Variants in DNASE1L3 observed in about 807,000 individuals in gnomAD.
DNASE1L3 encodes the protein deoxyribonuclease 1L3.
DNASE1L3 carries 27 observed loss-of-function variants against 30.9 expected under a neutral mutation model. The ratio of observed to expected loss-of-function variants is 0.87; its 90% CI spans 0.64 to 1.20. DNASE1L3 has a LOEUF of 1.20. Among genes scored for constraint, DNASE1L3 ranks in the 50% most tolerant of loss-of-function variants. The pLI, the probability that DNASE1L3 is intolerant of heterozygous loss-of-function variation, is 0.00. For synonymous variants in DNASE1L3, 135 were observed against 138.0 expected (o/e 0.98, Z 0.15); for missense variants, 364 against 378.2 (o/e 0.96, Z 0.31).
chr3:58,199,548 T>C (rs2097399338), intron 5 of DNASE1L3, among the ~76,000 whole-genome samples: 2 of 151,882 alleles, frequency 1.3e-5, no homozygotes, highest in Admixed American at 1.3e-4. Context: ...CACATGCCTG[T>C]AATCCCAGCT....
At chr3:58,209,316 G>A (rs1321897592) in intron 1 of DNASE1L3, among the ~76,000 whole-genome samples, 1 of 152,116 alleles carries the variant, frequency 6.6e-6, no homozygotes, top group African/African-American at 2.4e-5. Context: ...CCCCCATGAT[G>A]GACTCACCAA....
intron 1 of DNASE1L3, among the ~76,000 whole-genome samples, chr3:58,210,250 A>AAGAAAGAAAGAG (rs2097406862): frequency 7.5e-6 from 1 of 133,694 alleles, no homozygotes; most frequent in Non-Finnish European, 1.7e-5. Flanking sequence ...AAGAAAAAGA[A>AAGAAAGAAAGAG]AGAAAGAAAG....
rs186823038 is a variant in DNASE1L3, at chr3:58,193,442, G to A, written c.705-3C>T. On this transcript the variant is annotated splice_polypyrimidine_tract_variant and splice_region_variant and intron_variant, in intron 6 of 7. Coordinates refer to ENST00000394549, the MANE Select transcript of DNASE1L3 (RefSeq NM_004944.4). ...TTTCTTGTCCTCTAAGCACAATCCT[G>A]GAACAAGGGGAGGGAAAACAGTTGT... 598 of 1,608,370 alleles carry A rather than the reference G, an allele frequency of 3.7e-4. No individual in the cohort carries two copies. In the African/African-American group the frequency reaches 5.5e-3, roughly 15 times the overall value.
At chr3:58,194,186 G>A (rs927503881) in intron 6 of DNASE1L3, among the ~76,000 whole-genome samples, 6 of 152,142 alleles carry the variant, frequency 3.9e-5, no homozygotes, top group Admixed American at 3.3e-4. Flanking sequence ...GGTCTACGTG[G>A]TCCTGAGTGA....
chr3:58,209,071 T>G (rs1425735893), intron 1 of DNASE1L3, among the ~76,000 whole-genome samples: 1 of 152,174 alleles, frequency 6.6e-6, no homozygotes, highest in Non-Finnish European at 1.5e-5. Flanking sequence ...GAAACCCGCC[T>G]CTACTAAAAA....
chr3:58,205,440 C>T, intron 3 of DNASE1L3, 31 bp downstream of exon 3: 1 of 1,568,758 alleles, frequency 6.4e-7, no homozygotes. Context: ...TTATTGGTGG[C>T]CATGTTCCAG....
At chr3:58,206,894 A>T (rs1342125065) in intron 2 of DNASE1L3, among the ~76,000 whole-genome samples, 2 of 152,096 alleles carry the variant, frequency 1.3e-5, no homozygotes, top group Non-Finnish European at 2.9e-5. Flanking sequence ...CCCTTACTAT[A>T]AGGGAAGCCC....
At position 58,204,784 on chromosome 3, in the gene DNASE1L3, G is replaced by A; in HGVS notation, c.418C>T (p.Gln140Ter). The A allele has an allele frequency of 6.2e-7, 1 of 1,614,100 alleles. No individual in the cohort carries two copies. The highest frequency in any genetic ancestry group is 8.5e-7 in the Non-Finnish European group (1 of 1,180,002). The change falls in exon 4 of 8, where the codon CAA (glutamine) becomes TAA (stop). Residue 140 changes from glutamine (Q) to a stop codon, truncating the protein, a stop_gained. Transcript: ENST00000394549. LOFTEE classifies it high-confidence loss of function. ...FSREPFVVWF[Q>*]SPHTAVKDFV... ...TGGGTCTTACCAGTGTGGGGAGATT[G>A]GAACCAGACCACAAAGGGCTCCCTG...
Position 58,210,868 on chromosome 3 carries a change from G to A in DNASE1L3, c.39C>T (p.Leu13=), listed in dbSNP as rs753718510. The A allele has an allele frequency of 1.9e-6, 3 of 1,614,124 alleles. No homozygotes were observed. The highest frequency in any genetic ancestry group is 1.7e-6 in the Non-Finnish European group (2 of 1,180,000). Residue 13 remains leucine, a synonymous_variant, in exon 1 of 8, where the codon CTC becomes CTT. Transcript: ENST00000394549. ...TCATGGCCAGGGCGCTGTGGATGGAGAGGAGGAGAAGCAGCAGTGGGGCCA... is the reference window on the plus strand; with the variant it reads ...TCATGGCCAGGGCGCTGTGGATGGAAAGGAGGAGAAGCAGCAGTGGGGCCA... The part of the protein sequence containing the change: ...RELAPLLLLL[L]SIHSALAMRI...
intron 4 of DNASE1L3, among the ~76,000 whole-genome samples, chr3:58,202,434 A>G (rs1417969649): frequency 7.0e-6 from 1 of 142,200 alleles, no homozygotes; most frequent in South Asian, 2.3e-4. Flanking sequence ...AAGTGCTGGG[A>G]TTACAGGTGT....
At chr3:58,204,615 A>G (rs2097402782) in intron 4 of DNASE1L3, among the ~76,000 whole-genome samples, 154 bp downstream of exon 4, 1 of 152,234 alleles carries the variant, frequency 6.6e-6, no homozygotes, top group Non-Finnish European at 1.5e-5. Flanking sequence ...GCCTGGTGCC[A>G]TCACACTGAA....
At position 58,204,761 on chromosome 3, in the gene DNASE1L3, G is replaced by A. The variant is rs751423860; in HGVS notation, c.433+8C>T. ...GGTCCCAGACAGAAAGGCCTGTGTGGGTCTTACCAGTGTGGGGAGATTGGA... is the reference window on the plus strand; with the variant it reads ...GGTCCCAGACAGAAAGGCCTGTGTGAGTCTTACCAGTGTGGGGAGATTGGA... On this transcript the variant is annotated splice_region_variant and intron_variant, in intron 4 of 7. Transcript: ENST00000394549. The A allele has an allele frequency of 6.2e-7, 1 of 1,613,314 alleles. No individual in the cohort carries two copies. The highest frequency in any genetic ancestry group is 8.5e-7 in the Non-Finnish European group (1 of 1,179,336).
chr3:58,204,464 AGTT>A (rs1250903162), intron 4 of DNASE1L3, among the ~76,000 whole-genome samples: 7 of 152,234 alleles, frequency 4.6e-5, no homozygotes, highest in African/African-American at 1.7e-4. Context: ...AGGAAGGAAG[AGTT>A]GTACTTGACA....
intron 5 of DNASE1L3, among the ~76,000 whole-genome samples, chr3:58,199,970 G>A (rs183133224): frequency 1.8e-4 from 27 of 152,274 alleles, no homozygotes; most frequent in Admixed American, 1.2e-3. Context: ...GAGGAAGGGG[G>A]ATCACAGGAG....
intron 2 of DNASE1L3, among the ~76,000 whole-genome samples, chr3:58,207,307 G>A (rs571259635): frequency 4.6e-5 from 7 of 152,022 alleles, no homozygotes. Flanking sequence ...AGGAGGCAAA[G>A]GTTGCAGTGA....
At position 58,193,075 on chromosome 3, in the gene DNASE1L3, C is replaced by CTT. The variant is rs11289117; in HGVS notation, c.801+266_801+267dup. The stretch of plus-strand genomic sequence containing the variant: ...ACCTCAAAGGGTGGCATCAACCCAT[C>CTT]TTTTTTTTTTTTTTTTTTTGAGACA... On this transcript the variant is annotated intron_variant, in intron 7 of 7. Transcript: ENST00000394549. 1.7e-3 allele frequency: 2,170 copies of CTT among 1,268,052 alleles called. 1 individual carries two copies. Among genetic ancestry groups the CTT allele is most frequent in the South Asian group, 6.8e-3 (308 of 45,584 alleles). 78.6% of individuals were successfully genotyped at this position (1,268,052 alleles called of 1,614,324 possible).
intron 6 of DNASE1L3, among the ~76,000 whole-genome samples, chr3:58,196,615 T>C (rs2097397605): frequency 6.8e-6 from 1 of 146,204 alleles, no homozygotes; most frequent in Admixed American, 6.9e-5. Flanking sequence ...CTGGTGGCTC[T>C]CATGCAGATG....
At chr3:58,201,162 T>C in intron 4 of DNASE1L3, 53 bp from the exon 5 acceptor site, 2 of 1,460,318 alleles carry the variant, frequency 1.4e-6, no homozygotes, top group Non-Finnish European at 1.9e-6. Context: ...CAAGGTCTCA[T>C]AAACACTGCT....
rs1432757981 is a variant in DNASE1L3 at position 58,193,209 on chromosome 3, T to A, written c.801+134A>T. On this transcript the variant is annotated intron_variant, in intron 7 of 7. Coordinates refer to ENST00000394549, the MANE Select transcript of DNASE1L3 (RefSeq NM_004944.4). Reference sequence around the variant, plus strand: ...CTCCCACCTCAGCCTCCCAAGTAGCTGGGACCATAGGCATGCATCACCATG... The same window carrying A: ...CTCCCACCTCAGCCTCCCAAGTAGCAGGGACCATAGGCATGCATCACCATG... The A allele has an allele frequency of 2.1e-6, 3 of 1,443,082 alleles. No homozygotes were observed. The African/African-American group carries it at 4.2e-5, about 20-fold the overall frequency. 89.4% of individuals were successfully genotyped at this position (1,443,082 alleles called of 1,614,324 possible).
Sources: gnomAD v4.1 joint callset for allele counts (sites outside exome capture counted in the v4.1 genomes callset) on GRCh38, gnomAD v4.1.1 for gene constraint, MANE v1.5 for transcripts, NCBI Gene and HGNC (gene_info 2026-07-23, HGNC 2026-07-21) for gene names.